Variants in RAB3B observed in about 807,000 individuals in gnomAD.
RAB3B encodes ras-related protein Rab-3B.
Under a neutral mutation model 20.5 loss-of-function variants are expected in RAB3B, and 11 were observed. That is an observed-to-expected ratio of 0.54 (90% CI 0.34 to 0.89). RAB3B has a LOEUF of 0.89. RAB3B is among the 40% of genes least tolerant of loss of function. The probability of loss-of-function intolerance (pLI) is 0.02; values close to 1 mark genes in which losing one functional copy is unlikely to be tolerated. For synonymous variants in RAB3B, 99 were observed against 106.3 expected (o/e 0.93, Z 0.42); for missense variants, 225 against 280.9 (o/e 0.80, Z 1.42).
At chr1:51,966,125 T>C (rs1055709341) in intron 2 of RAB3B, among the ~76,000 whole-genome samples, 8 of 152,340 alleles carry the variant, frequency 5.3e-5, no homozygotes, top group East Asian at 3.9e-4. Context: ...CTAGCACAGC[T>C]AGGCACACAA....
Position 51,977,561 on chromosome 1 carries a change from G to T in RAB3B, c.1-444C>A, listed in dbSNP as rs957034543. On this transcript the variant is annotated intron_variant, in intron 1 of 4. Transcript: ENST00000371655. The stretch of plus-strand genomic sequence containing the variant: ...CCTGGAGGCCCGGTGATCAAGGAGA[G>T]GCTCCTGGAGGAAGCAGCTCCTGAG... 3.9e-5 allele frequency among the ~76,000 whole-genome samples: 6 copies of T among 152,140 alleles called. No individual in the cohort carries two copies. The South Asian group carries it at 8.3e-4, about 21-fold the overall frequency.
At position 51,912,547 on chromosome 1, in the gene RAB3B, A is replaced by AG. The variant is rs1684015578; in HGVS notation, c.*7379_*7380insC. Reference sequence around the variant, plus strand: ...CATAGCAAGACCGTCTCTATTAAAAAAAAAAAAATATATATATATATATAT... The same window carrying AG: ...CATAGCAAGACCGTCTCTATTAAAAAGAAAAAAAATATATATATATATATAT... On this transcript the variant is annotated 3_prime_UTR_variant, in exon 5 of 5. Coordinates refer to ENST00000371655, the MANE Select transcript of RAB3B (RefSeq NM_002867.4). The AG allele has an allele frequency of 6.9e-5, 1 of 14,468 alleles. No homozygotes were observed. Among genetic ancestry groups the AG allele is most frequent in the African/African-American group, 2.1e-4 (1 of 4,736 alleles). 0.9% of individuals were successfully genotyped at this position (14,468 alleles called of 1,614,324 possible).
At chr1:51,980,888 TA>T (rs1685078581) in intron 1 of RAB3B, 25 of 579,168 alleles carry the variant, frequency 4.3e-5, no homozygotes, top group Middle Eastern at 4.8e-4. Context: ...AATTGTACTT[TA>T]AAAAAAAGCC....
At chr1:51,968,742 G>C (rs927592650) in intron 2 of RAB3B, among the ~76,000 whole-genome samples, 1 of 152,152 alleles carries the variant, frequency 6.6e-6, no homozygotes, top group Non-Finnish European at 1.5e-5. Context: ...AAGCCATGTT[G>C]TGACCTAACA....
At chr1:51,930,768 C>T (rs1016768624) in intron 4 of RAB3B, among the ~76,000 whole-genome samples, 2 of 152,176 alleles carry the variant, frequency 1.3e-5, no homozygotes, top group African/African-American at 4.8e-5. Flanking sequence ...ATAATCCCAG[C>T]ACTTTGGGAG....
At chr1:51,935,136 A>T (rs2124252747) in intron 3 of RAB3B, among the ~76,000 whole-genome samples, 1 of 152,330 alleles carries the variant, frequency 6.6e-6, no homozygotes, top group South Asian at 2.1e-4. Context: ...TAAATGAACG[A>T]GCCAGTGAAT....
At chr1:51,988,403 G>C (rs1033718692) in intron 1 of RAB3B, among the ~76,000 whole-genome samples, 1 of 152,172 alleles carries the variant, frequency 6.6e-6, no homozygotes. Flanking sequence ...TAAATGTCTA[G>C]CATTCTACAA....
At chr1:51,929,951 C>T (rs1184676783) in intron 4 of RAB3B, among the ~76,000 whole-genome samples, 1 of 152,140 alleles carries the variant, frequency 6.6e-6, no homozygotes, top group Non-Finnish European at 1.5e-5. Flanking sequence ...AATATCTACC[C>T]TATGCTGGGT....
At chr1:51,952,867 C>T (rs1348094573) in intron 2 of RAB3B, among the ~76,000 whole-genome samples, 2 of 152,136 alleles carry the variant, frequency 1.3e-5, no homozygotes, top group Non-Finnish European at 2.9e-5. Context: ...CCCCTGTTCT[C>T]TCCCTTCAGC....
chr1:51,989,320 C>A (rs1354364005), intron 1 of RAB3B, among the ~76,000 whole-genome samples: 2 of 151,278 alleles, frequency 1.3e-5, no homozygotes, highest in Non-Finnish European at 2.9e-5. Context: ...GGCTGCTGCC[C>A]TGCCCTCCCC....
At chr1:51,970,423 C>G (rs752529987) in intron 2 of RAB3B, among the ~76,000 whole-genome samples, 1 of 152,112 alleles carries the variant, frequency 6.6e-6, no homozygotes, top group African/African-American at 2.4e-5. Flanking sequence ...ACTTTCTTCT[C>G]TGATCCACAA....
At chr1:51,956,668 C>T (rs1207746594) in intron 2 of RAB3B, among the ~76,000 whole-genome samples, 1 of 152,194 alleles carries the variant, frequency 6.6e-6, no homozygotes, top group African/African-American at 2.4e-5. Context: ...TTCCCCTTCC[C>T]TGCCAAGGCA....
Position 51,949,397 on chromosome 1 carries a change from A to T in RAB3B, c.229-11985T>A, listed in dbSNP as rs183706760. ...TTTTCTCAGTCACTTTGCCAGGCTC[A>T]CAGAAGGAGACACCCCATCAACTCT... On this transcript the variant is annotated intron_variant, in intron 2 of 4. Transcript: ENST00000371655. Among the ~76,000 whole-genome samples, 271 of 152,296 alleles carry T rather than the reference A, an allele frequency of 1.8e-3. 7 individuals are homozygous for T. Among genetic ancestry groups the T allele is most frequent in the East Asian group, 4.4e-3 (23 of 5,176 alleles).
rs1684111556 is a variant in RAB3B at position 51,917,942 on chromosome 1, G to A, written c.*1985C>T. 2.6e-5 allele frequency: 4 copies of A among 152,142 alleles called. No individual in the cohort carries two copies. In the South Asian group the frequency reaches 8.3e-4, roughly 32 times the overall value. The allele number at this position is 152,142 out of a possible 1,614,324, so 9.4% of individuals were successfully genotyped here. A position where few individuals can be genotyped will look rare whatever the true frequency, so the allele number is the denominator to read the frequency against. ...TGAAATGAAAAGAAAACTGGCGAGA[G>A]ACTCCTCCTGCCCGCTGACTTTTGA... is the stretch of plus-strand genomic sequence containing the variant. On this transcript the variant is annotated 3_prime_UTR_variant, in exon 5 of 5. Transcript: ENST00000371655.
chr1:51,951,998 T>C (rs1684648122), intron 2 of RAB3B, among the ~76,000 whole-genome samples: 1 of 152,204 alleles, frequency 6.6e-6, no homozygotes, highest in Non-Finnish European at 1.5e-5. Flanking sequence ...TTTTGGGAAG[T>C]CCTTCAGGAC....
chr1:51,959,090 C>G (rs887695499), intron 2 of RAB3B, among the ~76,000 whole-genome samples: 1 of 152,148 alleles, frequency 6.6e-6, no homozygotes. Flanking sequence ...ACATGCAATA[C>G]AGCTGGTTAG....
At chr1:51,969,028 T>A (rs1185194973) in intron 2 of RAB3B, among the ~76,000 whole-genome samples, 1 of 152,232 alleles carries the variant, frequency 6.6e-6, no homozygotes, top group African/African-American at 2.4e-5. Flanking sequence ...GAGCAGTGGC[T>A]CACACCTGTA....
At chr1:51,935,628 T>C (rs1684388196) in intron 3 of RAB3B, among the ~76,000 whole-genome samples, 1 of 152,080 alleles carries the variant, frequency 6.6e-6, no homozygotes, top group Non-Finnish European at 1.5e-5. Context: ...ACCGTGTTCC[T>C]GAGGCAGAAT....
intron 1 of RAB3B, among the ~76,000 whole-genome samples, chr1:51,987,692 G>A (rs1446056085): frequency 1.3e-5 from 2 of 152,094 alleles, no homozygotes; most frequent in Non-Finnish European, 2.9e-5. Flanking sequence ...TAGGTAATGT[G>A]GGTTATACAT....
Sources: gnomAD v4.1 joint callset for allele counts (sites outside exome capture counted in the v4.1 genomes callset) on GRCh38, gnomAD v4.1.1 for gene constraint, MANE v1.5 for transcripts, NCBI Gene and HGNC (gene_info 2026-07-23, HGNC 2026-07-21) for gene names.